Variants in DTD1 observed in about 807,000 individuals in gnomAD.
DTD1 encodes D-aminoacyl-tRNA deacylase 1, also known as D-tyrosyl-tRNA deacylase 1 homolog.
Under a neutral mutation model 25.6 loss-of-function variants are expected in DTD1, and 13 were observed. That is an observed-to-expected ratio of 0.51 (90% CI 0.33 to 0.81). The LOEUF (loss-of-function observed/expected upper bound fraction) is 0.81. Among genes scored for constraint, DTD1 ranks in the 30% least tolerant of loss-of-function variants. The probability of loss-of-function intolerance (pLI) is 0.02; values close to 1 mark genes in which losing one functional copy is unlikely to be tolerated. For synonymous variants in DTD1, 110 were observed against 103.6 expected (o/e 1.06, Z -0.37); for missense variants, 193 against 266.4 (o/e 0.72, Z 1.92).
At chr20:18,728,919 C>A (rs2061231349) in intron 4 of DTD1, among the ~76,000 whole-genome samples, 1 of 152,212 alleles carries the variant, frequency 6.6e-6, no homozygotes, top group East Asian at 1.9e-4. Flanking sequence ...CTGACAGCAT[C>A]CTGAAACTGA....
chr20:18,593,094 T>C (rs1258688805), intron 1 of DTD1, among the ~76,000 whole-genome samples: 1 of 152,202 alleles, frequency 6.6e-6, no homozygotes, highest in Non-Finnish European at 1.5e-5. Context: ...GCCTTTTTTT[T>C]TTCAAATGGA....
intron 5 of DTD1, among the ~76,000 whole-genome samples, chr20:18,746,132 G>T (rs577581038): frequency 1.3e-5 from 2 of 152,156 alleles, no homozygotes; most frequent in African/African-American, 4.8e-5. Flanking sequence ...TGTGTTTGAG[G>T]TGCCTGTTGG....
chr20:18,708,563 C>A lies in DTD1; in HGVS notation c.478-35537C>A, dbSNP rs144201231. 4.3e-4 allele frequency among the ~76,000 whole-genome samples: 65 copies of A among 150,598 alleles called. No homozygotes were observed. The East Asian group carries it at 0.012, about 28-fold the overall frequency. ...TAGAGATGGGGTTTCACCGTGTTGGCCAGGCTGGTCTCAAACTTCTGACCT... is the reference window on the plus strand; with the variant it reads ...TAGAGATGGGGTTTCACCGTGTTGGACAGGCTGGTCTCAAACTTCTGACCT... On this transcript the variant is annotated intron_variant, in intron 4 of 5. Transcript: ENST00000377452.
chr20:18,591,951 A>T (rs1479479122), intron 1 of DTD1, among the ~76,000 whole-genome samples: 1 of 152,240 alleles, frequency 6.6e-6, no homozygotes, highest in African/African-American at 2.4e-5. Flanking sequence ...AGAAGAAAAG[A>T]TTTAAAAAAT....
At chr20:18,724,392 G>A (rs979260305) in intron 4 of DTD1, among the ~76,000 whole-genome samples, 1 of 152,128 alleles carries the variant, frequency 6.6e-6, no homozygotes, top group Non-Finnish European at 1.5e-5. Flanking sequence ...GGGGAGAGGG[G>A]TGATGATATT....
intron 4 of DTD1, chr20:18,632,691 C>A: frequency 1.0e-6 from 1 of 970,404 alleles, no homozygotes; most frequent in Non-Finnish European, 1.2e-6. Context: ...CAAATTTCAA[C>A]GTTATAGAAA....
chr20:18,744,237 T>A lies in DTD1; in HGVS notation c.615T>A (p.Ser205=). Residue 205 remains serine, a synonymous_variant, in exon 5 of 6, where the codon TCT becomes TCA. Transcript: ENST00000377452. ...ASSGAEGDVS[S]EREP ...GCGGGGCTGAGGGCGACGTGTCCTC[T>A]GAACGGGAGCCGTAGCTCAGGAGGC... is the stretch of plus-strand genomic sequence containing the variant. 2 of 1,612,078 alleles carry A rather than the reference T, an allele frequency of 1.2e-6. No individual in the cohort carries two copies. The highest frequency in any genetic ancestry group is 2.2e-5 in the South Asian group (2 of 90,954).
chr20:18,667,500 C>T lies in DTD1; in HGVS notation c.477+39267C>T, dbSNP rs1024426907. ...ATGGGGCTGCTCTGCTGGCAGTTCC[C>T]CTCTTATCAGTTTACTTGAAAGAAG... is the stretch of plus-strand genomic sequence containing the variant. On this transcript the variant is annotated intron_variant, in intron 4 of 5. Coordinates refer to ENST00000377452, the MANE Select transcript of DTD1 (RefSeq NM_080820.6). 3.9e-5 allele frequency among the ~76,000 whole-genome samples: 6 copies of T among 152,316 alleles called. No individual in the cohort carries two copies. The South Asian group carries it at 1.0e-3, about 26-fold the overall frequency.
chr20:18,640,756 G>A (rs889876584), intron 4 of DTD1, among the ~76,000 whole-genome samples: 4 of 151,280 alleles, frequency 2.6e-5, no homozygotes, highest in Non-Finnish European at 5.9e-5. Flanking sequence ...TCAGCCTCCC[G>A]AGTAGCTGGG....
chr20:18,765,547 G>A lies in DTD1; in HGVS notation c.*2207G>A, dbSNP rs561090016. ...CTCCTGGGATCAGAGAAATAGCAGT[G>A]AATACACCGAAGTCTGGCCTAAGAG... On this transcript the variant is annotated 3_prime_UTR_variant, in exon 6 of 6. Transcript: ENST00000377452. The A allele has an allele frequency of 6.6e-6, 1 of 152,310 alleles. No homozygotes were observed. The highest frequency in any genetic ancestry group is 1.9e-4 in the East Asian group (1 of 5,182). The allele number at this position is 152,310 out of a possible 1,614,324, so 9.4% of individuals were successfully genotyped here.
intron 4 of DTD1, chr20:18,678,926 T>G (rs2060986321): frequency 6.6e-6 from 1 of 152,244 alleles, no homozygotes; most frequent in Non-Finnish European, 1.5e-5. Context: ...CTTCTGGGCC[T>G]TGGCTTTCTA....
At position 18,632,456 on chromosome 20, in the gene DTD1, T is replaced by C. The variant is rs974593496; in HGVS notation, c.477+4223T>C. 39 of 985,380 alleles carry C rather than the reference T, an allele frequency of 4.0e-5. No homozygotes were observed. The Admixed American group carries it at 1.6e-3, about 40-fold the overall frequency. The allele number at this position is 985,380 out of a possible 1,614,324, so 61.0% of individuals were successfully genotyped here. A position where few individuals can be genotyped will look rare whatever the true frequency, so the allele number is the denominator to read the frequency against. On this transcript the variant is annotated intron_variant, in intron 4 of 5. Coordinates refer to ENST00000377452, the MANE Select transcript of DTD1 (RefSeq NM_080820.6). ...GGTGCTGGCCTGTGCCTGGGGCCTC[T>C]CTCTGCCTTTTCTTCTGAATTAGAA...
intron 4 of DTD1, among the ~76,000 whole-genome samples, chr20:18,661,065 G>A (rs1417050964): frequency 6.6e-6 from 1 of 152,146 alleles, no homozygotes; most frequent in African/African-American, 2.4e-5. Flanking sequence ...TTAGACTTGT[G>A]TGGTCTGTTT....
chr20:18,597,569 C>A (rs2060616893), intron 3 of DTD1, among the ~76,000 whole-genome samples: 1 of 152,204 alleles, frequency 6.6e-6, no homozygotes, highest in South Asian at 2.1e-4. Flanking sequence ...CATTAATCTA[C>A]TTTCCGTCTC....
chr20:18,752,443 C>G (rs2061324519), intron 5 of DTD1, among the ~76,000 whole-genome samples: 1 of 152,010 alleles, frequency 6.6e-6, no homozygotes. Flanking sequence ...CTCACTGATT[C>G]TTCCTTGGCT....
At chr20:18,647,141 C>G (rs2060853358) in intron 4 of DTD1, among the ~76,000 whole-genome samples, 1 of 152,168 alleles carries the variant, frequency 6.6e-6, no homozygotes, top group Non-Finnish European at 1.5e-5. Context: ...TATCTATTTT[C>G]CAAAATGTAT....
chr20:18,676,589 A>T (rs909974167), intron 4 of DTD1, among the ~76,000 whole-genome samples: 1 of 152,026 alleles, frequency 6.6e-6, no homozygotes, highest in African/African-American at 2.4e-5. Flanking sequence ...GTATGTTTGA[A>T]CCTTCATTTG....
intron 4 of DTD1, among the ~76,000 whole-genome samples, chr20:18,729,503 A>G (rs1235177872): frequency 1.3e-5 from 2 of 152,202 alleles, no homozygotes; most frequent in Non-Finnish European, 1.5e-5. Context: ...AGAGCACTTC[A>G]TTTTCTCTGA....
intron 5 of DTD1, among the ~76,000 whole-genome samples, chr20:18,760,234 T>C (rs2122542792): frequency 6.6e-6 from 1 of 152,360 alleles, no homozygotes; most frequent in Non-Finnish European, 1.5e-5. Context: ...TTCTCTCAAC[T>C]CGTCAAAGTC....
Sources: allele counts gnomAD v4.1 joint callset (sites outside exome capture counted in the v4.1 genomes callset), GRCh38; gene constraint gnomAD v4.1.1; transcripts MANE v1.5; gene names NCBI Gene and HGNC (gene_info 2026-07-23, HGNC 2026-07-21).